The following PLD1 variants were observed in gnomAD, a reference collection of about 807,000 sequenced individuals.
PLD1 encodes phospholipase D1.
A neutral mutation model predicts 137.1 loss-of-function variants in PLD1; 112 were observed. The ratio of observed to expected loss-of-function variants is 0.82; its 90% confidence interval spans 0.70 to 0.96. PLD1 has a LOEUF of 0.96. Ranked by LOEUF, PLD1 falls within the 40% of genes least tolerant of loss-of-function variation. The probability of loss-of-function intolerance (pLI) is 0.00; values close to 1 mark genes in which losing one functional copy is unlikely to be tolerated. For synonymous variants in PLD1, 431 were observed against 454.7 expected, an observed-to-expected ratio of 0.95 and a Z score of 0.66; for missense variants, 1,321 against 1,342.0, an observed-to-expected ratio of 0.98 and a Z score of 0.24.
chr3:171,710,387 A>T (rs988030366), intron 9 of PLD1, among the ~76,000 whole-genome samples: 1 of 151,914 alleles, frequency 6.6e-6, no homozygotes, highest in South Asian at 2.1e-4. Flanking sequence ...GTGGAAGGCA[A>T]TTTTTCCACG....
chr3:171,728,378 T>G (rs988538124), intron 6 of PLD1, among the ~76,000 whole-genome samples: 2 of 129,512 alleles, frequency 1.5e-5, no homozygotes, highest in East Asian at 4.0e-4. Context: ...TATAAAACAG[T>G]GATTCAGTAT....
At chr3:171,768,567 G>A (rs761730681) in intron 1 of PLD1, among the ~76,000 whole-genome samples, 2 of 152,126 alleles carry the variant, frequency 1.3e-5, no homozygotes, top group Non-Finnish European at 1.5e-5. Context: ...AAGGTTCGAC[G>A]GTCAGAAAAT....
intron 24 of PLD1, among the ~76,000 whole-genome samples, chr3:171,615,883 C>T (rs1328279530): frequency 3.9e-5 from 6 of 152,128 alleles, no homozygotes; most frequent in East Asian, 1.9e-4. Context: ...TGTATGTAGG[C>T]GTGGGTTGCT....
intron 11 of PLD1, among the ~76,000 whole-genome samples, chr3:171,707,075 C>T (rs754616099): frequency 2.6e-5 from 4 of 152,088 alleles, no homozygotes; most frequent in Non-Finnish European, 2.9e-5. Context: ...AACAAAAAAC[C>T]GAATACTACA....
chr3:171,757,919 T>C (rs563842884), intron 1 of PLD1, among the ~76,000 whole-genome samples: 4 of 152,276 alleles, frequency 2.6e-5, no homozygotes, highest in African/African-American at 9.6e-5. Flanking sequence ...AGCTACCCAA[T>C]ATAAGAAATA....
At position 171,737,942 on chromosome 3, in the gene PLD1, C is replaced by T. The variant is rs776132146; in HGVS notation, c.110G>A (p.Gly37Glu). ...NLDTRELHFE[G>E]EEVDYDVSPS... is the part of the protein sequence containing the mutation. The stretch of plus-strand genomic sequence containing the variant: ...AGACACGTCGTAGTCTACCTCCTCT[C>T]CCTCAAAGTGGAGTTCCCGCGTGTC... The change falls in exon 2 of 27, where the codon GGA becomes GAA. Residue 37 changes from glycine (G) to glutamate (E), a missense_variant. By Grantham distance (98) the Gly-to-Glu change is moderately conservative (BLOSUM62 -2). Transcript: ENST00000351298. 1.9e-6 allele frequency: 3 copies of T among 1,613,924 alleles called. No homozygotes were observed. In the African/African-American group the frequency reaches 4.0e-5, roughly 22 times the overall value.
Position 171,603,046 on chromosome 3 carries a change from G to C in PLD1, c.*32C>G. The C allele has an allele frequency of 2.7e-6, 4 of 1,496,622 alleles. No individual in the cohort carries two copies. The highest frequency in any genetic ancestry group is 3.7e-6 in the Non-Finnish European group (4 of 1,076,992). 92.7% of individuals were successfully genotyped at this position (1,496,622 alleles called of 1,614,324 possible). On this transcript the variant is annotated 3_prime_UTR_variant, in exon 27 of 27. Coordinates refer to ENST00000351298, the MANE Select transcript of PLD1 (RefSeq NM_002662.5). ...CACTGTGTGCAGTGTGGTCTCCAGG[G>C]TGGAAGTCTTTGAGCTGCCAATGAA...
intron 8 of PLD1, among the ~76,000 whole-genome samples, chr3:171,723,173 T>G (rs957499916): frequency 4.6e-5 from 7 of 152,124 alleles, no homozygotes; most frequent in Non-Finnish European, 8.8e-5. Context: ...TGATAAAATC[T>G]CCATGAGTTC....
intron 23 of PLD1, among the ~76,000 whole-genome samples, chr3:171,626,369 C>T (rs1417638896): frequency 3.9e-5 from 6 of 152,152 alleles, no homozygotes; most frequent in African/African-American, 9.7e-5. Context: ...ACCAAATCTA[C>T]GTCTGATTAG....
Position 171,688,679 on chromosome 3 carries a change from G to A in PLD1, c.1536C>T (p.Leu512=), listed in dbSNP as rs763972718. 6 of 1,610,814 alleles carry A rather than the reference G, an allele frequency of 3.7e-6. No homozygotes were observed. The South Asian group carries it at 6.6e-5, about 18-fold the overall frequency. Residue 512 remains leucine (L), a synonymous_variant, in exon 14 of 27, where the codon CTC becomes CTT. Coordinates refer to ENST00000351298, the MANE Select transcript of PLD1 (RefSeq NM_002662.5). The part of the protein sequence containing the change: ...RVTSGPSLGS[L]PPAAMESMES... The stretch of plus-strand genomic sequence containing the variant: ...CATAAAGGTTAAATATACTTACTGG[G>A]AGGGAACCCAGAGACGGTCCTGAAG...
intron 1 of PLD1, chr3:171,789,805 A>G (rs1229687428): frequency 6.6e-6 from 1 of 152,256 alleles, no homozygotes; most frequent in Admixed American, 6.5e-5. Flanking sequence ...TTGCTGCCAG[A>G]TATCAGAATG....
chr3:171,714,031 T>C lies in PLD1; in HGVS notation c.773A>G (p.Lys258Arg). The part of the protein sequence containing the change: ...YRWSKRWLIV[K>R]DSFLLYMKPD... ...TTTCATATACAATAAAAAGGAATCTTTCACTATTAACCATCTGTAAGAAGG... is the reference window on the plus strand; with the variant it reads ...TTTCATATACAATAAAAAGGAATCTCTCACTATTAACCATCTGTAAGAAGG... Residue 258 changes from lysine to arginine, a missense_variant, in exon 9 of 27, where the codon AAA becomes AGA. Coordinates refer to ENST00000351298, the MANE Select transcript of PLD1 (RefSeq NM_002662.5). The C allele has an allele frequency of 6.2e-7, 1 of 1,602,288 alleles. No homozygotes were observed. The highest frequency in any genetic ancestry group is 1.1e-5 in the South Asian group (1 of 90,634).
chr3:171,724,613 A>G, intron 8 of PLD1, 83 bp downstream of exon 8: 1 of 784,132 alleles, frequency 1.3e-6, no homozygotes, highest in Non-Finnish European at 2.2e-6. Context: ...TAAAGGATTT[A>G]TAATTTAAAA....
At chr3:171,733,327 C>A in intron 6 of PLD1, 117 bp downstream of exon 6, 1 of 547,790 alleles carries the variant, frequency 1.8e-6, no homozygotes, top group South Asian at 2.7e-5. Flanking sequence ...TATTTTAATG[C>A]AAGGACGAAT....
At chr3:171,653,138 C>T (rs937868380) in intron 21 of PLD1, 2 of 152,064 alleles carry the variant, frequency 1.3e-5, no homozygotes, top group Non-Finnish European at 2.9e-5. Flanking sequence ...GCTGCCTCAT[C>T]TGTAGAATGG....
At chr3:171,751,016 A>G (rs1457354681) in intron 1 of PLD1, among the ~76,000 whole-genome samples, 2 of 152,196 alleles carry the variant, frequency 1.3e-5, no homozygotes, top group Non-Finnish European at 2.9e-5. Flanking sequence ...CTATTCAAAT[A>G]TGAGTTCTTG....
At position 171,730,757 on chromosome 3, in the gene PLD1, G is replaced by T. The variant is rs191060463; in HGVS notation, c.606+2687C>A. On this transcript the variant is annotated intron_variant, in intron 6 of 26. Coordinates refer to ENST00000351298, the MANE Select transcript of PLD1 (RefSeq NM_002662.5). Reference sequence around the variant, plus strand: ...GGGTTCAAGCGATTCTTCTGTCTCAGCCTCCCAAGTAGCTGGGATTAAAGG... The same window carrying T: ...GGGTTCAAGCGATTCTTCTGTCTCATCCTCCCAAGTAGCTGGGATTAAAGG... Among the ~76,000 whole-genome samples the T allele has an allele frequency of 1.3e-4, 19 of 150,212 alleles. 1 individual carries two copies. The East Asian group carries it at 2.0e-3, about 15-fold the overall frequency.
chr3:171,642,603 A>C (rs1454580049), intron 23 of PLD1, among the ~76,000 whole-genome samples: 1 of 151,962 alleles, frequency 6.6e-6, no homozygotes, highest in African/African-American at 2.4e-5. Flanking sequence ...ATATAAATAA[A>C]AATAAATAGA....
intron 2 of PLD1, 113 bp from the exon 3 acceptor site, chr3:171,737,772 T>A: frequency 7.5e-7 from 1 of 1,325,872 alleles, no homozygotes; most frequent in Non-Finnish European, 1.0e-6. Context: ...TATAAAATGA[T>A]CTGAGCCCGG....
Sources: allele counts gnomAD v4.1 joint callset (sites outside exome capture counted in the v4.1 genomes callset), GRCh38; gene constraint gnomAD v4.1.1; transcripts MANE v1.5; gene names NCBI Gene and HGNC (gene_info 2026-07-23, HGNC 2026-07-21).